Variants in IFT74 observed in about 807,000 individuals in gnomAD.
IFT74 encodes intraflagellar transport 74, also known as intraflagellar transport protein 74 homolog.
In IFT74, 92 loss-of-function variants were observed where a neutral mutation model predicts 96.7. That is an observed-to-expected ratio of 0.95 (90% CI 0.80 to 1.13). The LOEUF (loss-of-function observed/expected upper bound fraction) is 1.13. Ranked by LOEUF, IFT74 falls within the 50% of genes most tolerant of loss-of-function variation. The pLI, the probability that IFT74 is intolerant of heterozygous loss-of-function variation, is 0.00. For missense variants in IFT74, 811 were observed against 698.2 expected, an observed-to-expected ratio of 1.16 and a Z score of -1.82; for synonymous variants, 223 against 213.2, an observed-to-expected ratio of 1.05 and a Z score of -0.40.
chr9:27,019,200 T>C (rs1022222209), intron 12 of IFT74, among the ~76,000 whole-genome samples: 3 of 152,054 alleles, frequency 2.0e-5, no homozygotes, highest in Non-Finnish European at 4.4e-5. Context: ...CAAGTGATCC[T>C]CCCATCTCAG....
intron 12 of IFT74, among the ~76,000 whole-genome samples, chr9:27,026,856 C>G (rs1396836399): frequency 6.6e-6 from 1 of 152,094 alleles, no homozygotes; most frequent in Non-Finnish European, 1.5e-5. Flanking sequence ...GCATTAAGTG[C>G]CTACATCAAA....
intron 8 of IFT74, chr9:26,999,754 T>C (rs1223848368): frequency 7.8e-7 from 1 of 1,276,504 alleles, no homozygotes; most frequent in Non-Finnish European, 1.1e-6. Flanking sequence ...TTTTCCCTCT[T>C]TTGAATCTGT....
At chr9:27,056,508 A>G (rs1564007702) in intron 18 of IFT74, 49 bp downstream of exon 18, 4 of 1,479,908 alleles carry the variant, frequency 2.7e-6, no homozygotes, top group Non-Finnish European at 2.7e-6. Flanking sequence ...CTATATTTTC[A>G]CCCCAAAACA....
intron 12 of IFT74, among the ~76,000 whole-genome samples, chr9:27,020,483 CT>C (rs993901832): frequency 1.2e-5 from 1 of 81,040 alleles, no homozygotes; most frequent in African/African-American, 4.8e-5. Flanking sequence ...TTTTTTTTTT[CT>C]TTTTTTTTGA....
intron 4 of IFT74, among the ~76,000 whole-genome samples, chr9:26,981,216 C>T (rs1312218002): frequency 1.3e-5 from 2 of 152,176 alleles, no homozygotes; most frequent in African/African-American, 2.4e-5. Flanking sequence ...TTCAGAGGGA[C>T]TCAAACATTC....
chr9:27,029,619 A>G, intron 13 of IFT74, among the ~76,000 whole-genome samples: 1 of 152,160 alleles, frequency 6.6e-6, no homozygotes. Context: ...GTGGTGGCAC[A>G]GGCCTGTAAT....
At chr9:26,996,649 A>C in intron 8 of IFT74, 1 of 466,328 alleles carries the variant, frequency 2.1e-6, no homozygotes, top group Non-Finnish European at 3.6e-6. Flanking sequence ...AACATAATGA[A>C]AGAATGATGC....
intron 7 of IFT74, among the ~76,000 whole-genome samples, chr9:26,989,766 A>C (rs140814293): frequency 6.6e-6 from 1 of 152,250 alleles, no homozygotes; most frequent in East Asian, 1.9e-4. Flanking sequence ...AATATCCTGA[A>C]TGGTTCAGGA....
rs1212925637 is a variant in IFT74 at position 27,035,510 on chromosome 9, C to A, written c.1054+6406C>A. On this transcript the variant is annotated intron_variant, in intron 13 of 19. Transcript: ENST00000380062. The stretch of plus-strand genomic sequence containing the variant: ...CTTGTTAGAAATGCAAATTCTTGGG[C>A]TCTACCCCAGACCTATTGAATTTGA... Among the ~76,000 whole-genome samples, 21 of 152,334 alleles carry A rather than the reference C, an allele frequency of 1.4e-4. No individual in the cohort carries two copies. The East Asian group carries it at 3.1e-3, about 22-fold the overall frequency.
At chr9:27,005,885 G>T (rs1348131326) in intron 8 of IFT74, among the ~76,000 whole-genome samples, 2 of 152,146 alleles carry the variant, frequency 1.3e-5, no homozygotes, top group South Asian at 2.1e-4. Flanking sequence ...TGTCATTCAG[G>T]CTGGAGTGCA....
At chr9:26,973,735 A>AC (rs1338688455) in intron 2 of IFT74, among the ~76,000 whole-genome samples, 2 of 151,954 alleles carry the variant, frequency 1.3e-5, no homozygotes, top group South Asian at 2.1e-4. Context: ...TTCTCCTTTT[A>AC]CCCCAGTTCT....
intron 13 of IFT74, among the ~76,000 whole-genome samples, chr9:27,035,808 C>T (rs1819154012): frequency 6.6e-6 from 1 of 152,048 alleles, no homozygotes; most frequent in African/African-American, 2.4e-5. Flanking sequence ...TTTAAAGTGC[C>T]TCCTGTCTTT....
At position 26,984,478 on chromosome 9, in the gene IFT74, GTATT is replaced by G. The variant is rs1212591693; in HGVS notation, c.405-15_405-12del. Reference sequence around the variant, plus strand: ...TATTTTTATGTACATATTTATGAATGTATTTATTTTATGCTTTCAGGGCTGAGAC... The same window carrying G: ...TATTTTTATGTACATATTTATGAATGTATTTTATGCTTTCAGGGCTGAGAC... On this transcript the variant is annotated splice_polypyrimidine_tract_variant and intron_variant, in intron 5 of 19. Transcript: ENST00000380062. 3 of 1,603,012 alleles carry G rather than the reference GTATT, an allele frequency of 1.9e-6. No homozygotes were observed. The highest frequency in any genetic ancestry group is 3.4e-5 in the Admixed American group (2 of 59,092).
upstream of IFT74, among the ~76,000 whole-genome samples, chr9:26,951,457 C>T (rs1825927128): frequency 6.6e-6 from 1 of 151,740 alleles, no homozygotes; most frequent in Admixed American, 6.6e-5. Flanking sequence ...TAGCACAATA[C>T]ATACATGAAA....
chr9:26,954,599 C>G (rs941253761), upstream of IFT74, among the ~76,000 whole-genome samples: 6 of 150,042 alleles, frequency 4.0e-5, no homozygotes, highest in African/African-American at 1.5e-4. Flanking sequence ...AGTTGGAGCA[C>G]TAATCTAGTA....
At chr9:26,992,033 C>G (rs1414500681) in intron 8 of IFT74, among the ~76,000 whole-genome samples, 1 of 144,930 alleles carries the variant, frequency 6.9e-6, no homozygotes, top group East Asian at 3.5e-4. Flanking sequence ...GAGACTCCGT[C>G]TCAAAAAAAA....
At chr9:27,004,106 A>G (rs1246205601) in intron 8 of IFT74, among the ~76,000 whole-genome samples, 1 of 152,210 alleles carries the variant, frequency 6.6e-6, no homozygotes, top group African/African-American at 2.4e-5. Context: ...ATTTAAGTTA[A>G]AAGTTGATAT....
intron 8 of IFT74, among the ~76,000 whole-genome samples, chr9:27,002,716 G>A (rs1482732276): frequency 6.6e-6 from 1 of 152,158 alleles, no homozygotes; most frequent in Non-Finnish European, 1.5e-5. Flanking sequence ...TTGAAGTCAG[G>A]TAGTGTGATG....
chr9:27,044,186 T>C (rs1429093688), intron 13 of IFT74, among the ~76,000 whole-genome samples: 2 of 152,158 alleles, frequency 1.3e-5, no homozygotes, highest in African/African-American at 2.4e-5. Context: ...ACATTTGCAG[T>C]TTCTGTATTT....
Sources: gnomAD v4.1 joint callset for allele counts (sites outside exome capture counted in the v4.1 genomes callset) on GRCh38, gnomAD v4.1.1 for gene constraint, MANE v1.5 for transcripts, NCBI Gene and HGNC (gene_info 2026-07-23, HGNC 2026-07-21) for gene names.